DENND6A: variants seen among roughly 807,000 people sequenced by gnomAD.
The protein encoded by DENND6A is DENN domain containing 6A.
In DENND6A, 43 loss-of-function variants were observed where a neutral mutation model predicts 95.5. The ratio of observed to expected loss-of-function variants is 0.45; its 90% confidence interval spans 0.35 to 0.58. DENND6A has a LOEUF of 0.58. Ranked by LOEUF, DENND6A falls within the 20% of genes least tolerant of loss-of-function variation. The pLI is 0.00. For synonymous variants in DENND6A, 257 were observed against 260.4 expected (o/e 0.99, Z 0.13); for missense variants, 574 against 736.0 (o/e 0.78, Z 2.55).
At chr3:57,674,593 G>A (rs554844211) in intron 1 of DENND6A, among the ~76,000 whole-genome samples, 266 of 152,222 alleles carry the variant, frequency 1.7e-3, no homozygotes, top group African/African-American at 6.0e-3. Flanking sequence ...GCCCAAGATC[G>A]TGCCACTGCA....
rs763154394 is a variant in DENND6A, at chr3:57,628,193, G to A, written c.*21C>T. 7.9e-5 allele frequency: 126 copies of A among 1,603,886 alleles called. No individual in the cohort carries two copies. The highest frequency in any genetic ancestry group is 1.1e-4 in the Non-Finnish European group (124 of 1,175,694). On this transcript the variant is annotated 3_prime_UTR_variant, in exon 20 of 20. Transcript: ENST00000311128. ...GCTTCATGATGCATAATCCTTTTTG[G>A]CTGGAAAATCTTGGCAAATATCATG...
chr3:57,657,698 T>G lies in DENND6A; in HGVS notation c.800A>C (p.His267Pro), dbSNP rs372061625. The part of the protein sequence containing the change: ...TNISVILPTV[H>P]EVDIFRCFCP... ...TCTTTACCTGAAAATATCCACCTCATGAACAGTAGGTAAAATAACAGATAT... is the reference window on the plus strand; with the variant it reads ...TCTTTACCTGAAAATATCCACCTCAGGAACAGTAGGTAAAATAACAGATAT... Residue 267 changes from histidine (H) to proline (P), a missense_variant, in exon 9 of 20, where the codon CAT (histidine) becomes CCT (proline). By Grantham distance (77) the His-to-Pro change is moderately conservative. Around this residue, in one of 2 missense-constraint regions of DENND6A, gnomAD observed 452 missense variants for 630.9 expected, o/e 0.72. Transcript: ENST00000311128. 1 of 1,585,560 alleles carries G rather than the reference T, an allele frequency of 6.3e-7. No homozygotes were observed. The highest frequency in any genetic ancestry group is 8.6e-7 in the Non-Finnish European group (1 of 1,161,142).
chr3:57,640,756 G>T (rs1050115795), intron 12 of DENND6A, among the ~76,000 whole-genome samples: 1 of 151,956 alleles, frequency 6.6e-6, no homozygotes, highest in Non-Finnish European at 1.5e-5. Flanking sequence ...AAATTACTAC[G>T]CCCAAACCAT....
chr3:57,687,596 T>C (rs1013589216), intron 1 of DENND6A, among the ~76,000 whole-genome samples: 1 of 152,144 alleles, frequency 6.6e-6, no homozygotes, highest in African/African-American at 2.4e-5. Context: ...TCTAAGACTT[T>C]CATAGCTAGA....
chr3:57,648,073 G>A (rs1435378325), intron 9 of DENND6A, among the ~76,000 whole-genome samples: 2 of 152,084 alleles, frequency 1.3e-5, no homozygotes, highest in Non-Finnish European at 2.9e-5. Context: ...AATTTAAACT[G>A]TCACTGTTTG....
At chr3:57,684,714 T>C (rs2077197017) in intron 1 of DENND6A, among the ~76,000 whole-genome samples, 1 of 151,914 alleles carries the variant, frequency 6.6e-6, no homozygotes, top group South Asian at 2.1e-4. Context: ...GCCTGGGAGG[T>C]CCAGGCTGCA....
intron 3 of DENND6A, among the ~76,000 whole-genome samples, chr3:57,669,378 C>T (rs1466925428): frequency 6.6e-6 from 1 of 152,078 alleles, no homozygotes; most frequent in Non-Finnish European, 1.5e-5. Flanking sequence ...AACCACACTT[C>T]ATTTGATGTG....
chr3:57,672,242 T>C lies in DENND6A; in HGVS notation c.319+14A>G. On this transcript the variant is annotated intron_variant, in intron 3 of 19. Coordinates refer to ENST00000311128, the MANE Select transcript of DENND6A (RefSeq NM_152678.3). ...TATAAAATTAAACAGAAACACTGTA[T>C]GAAAAACAGTTACCTGAATTTGAAT... 1 of 1,601,990 alleles carries C rather than the reference T, an allele frequency of 6.2e-7. No homozygotes were observed. Among genetic ancestry groups the C allele is most frequent in the Non-Finnish European group, 8.5e-7 (1 of 1,174,082 alleles).
intron 15 of DENND6A, among the ~76,000 whole-genome samples, chr3:57,632,225 C>T (rs1234803471): frequency 2.6e-5 from 4 of 150,972 alleles, no homozygotes; most frequent in South Asian, 2.1e-4. Context: ...GGGGTTTCAC[C>T]GTGTTAGCCA....
Position 57,628,902 on chromosome 3 carries a change from C to G in DENND6A, c.1621-17G>C, listed in dbSNP as rs1192663277. 1.2e-6 allele frequency: 2 copies of G among 1,603,248 alleles called. No individual in the cohort carries two copies. The highest frequency in any genetic ancestry group is 1.7e-6 in the Non-Finnish European group (2 of 1,175,442). On this transcript the variant is annotated splice_polypyrimidine_tract_variant and intron_variant, in intron 18 of 19. Coordinates refer to ENST00000311128, the MANE Select transcript of DENND6A (RefSeq NM_152678.3). ...AAGTAAGTCCTAGAATAAATAAAGT[C>G]CCAAATCAGTAAGTTCTCAAAATAA...
chr3:57,642,831 C>A (rs2070978041), intron 11 of DENND6A, among the ~76,000 whole-genome samples: 1 of 152,014 alleles, frequency 6.6e-6, no homozygotes, highest in African/African-American at 2.4e-5. Context: ...CACGGTGAAA[C>A]CCCATCTCTA....
chr3:57,646,746 A>AT (rs2071088727), intron 9 of DENND6A, among the ~76,000 whole-genome samples: 1 of 152,230 alleles, frequency 6.6e-6, no homozygotes, highest in Non-Finnish European at 1.5e-5. Flanking sequence ...TGATCGATCT[A>AT]TTTTATCAAT....
chr3:57,693,000 C>A lies in DENND6A; in HGVS notation c.19G>T (p.Ala7Ser). Residue 7 changes from alanine (A) to serine (S), a missense_variant, in exon 1 of 20, where the codon GCG (alanine) becomes TCG (serine). Around this residue, in one of 2 missense-constraint regions of DENND6A, gnomAD observed 122 missense variants for 105.1 expected, o/e 1.16. Transcript: ENST00000311128. MALRGP[A>S]GLGPGSRRPL... ...CTTCGAGAGCCGGGCCCCAAGCCCG[C>A]AGGGCCCCTCAAAGCCATCGGCCGC... is the stretch of plus-strand genomic sequence containing the variant. 3 of 1,500,338 alleles carry A rather than the reference C, an allele frequency of 2.0e-6. No individual in the cohort carries two copies. The highest frequency in any genetic ancestry group is 1.3e-5 in the South Asian group (1 of 79,300). 92.9% of individuals were successfully genotyped at this position (1,500,338 alleles called of 1,614,324 possible). A position where few individuals can be genotyped will look rare whatever the true frequency, so the allele number is the denominator to read the frequency against.
In DENND6A at chr3:57,657,717, C is replaced by A. The variant is rs1453312734; in HGVS notation, c.781G>T (p.Val261Phe). The A allele has an allele frequency of 1.3e-6, 2 of 1,582,910 alleles. No individual in the cohort carries two copies. The highest frequency in any genetic ancestry group is 1.1e-5 in the South Asian group (1 of 87,494). Residue 261 changes from valine (V) to phenylalanine (F), a missense_variant, in exon 9 of 20, where the codon GTT becomes TTT. Physicochemically the swap from Val to Phe is conservative, Grantham distance 50. Transcript: ENST00000311128. ...ACCTCATGAACAGTAGGTAAAATAA[C>A]AGATATATTTGTGTCCACCTGAGAG... ...LTQQVDTNIS[V>F]ILPTVHEVDI...
At position 57,674,965 on chromosome 3, in the gene DENND6A, G is replaced by T. The variant is rs570458332; in HGVS notation, c.238-2527C>A. 4.6e-5 allele frequency among the ~76,000 whole-genome samples: 7 copies of T among 152,206 alleles called. No individual in the cohort carries two copies. The East Asian group carries it at 1.4e-3, about 29-fold the overall frequency. On this transcript the variant is annotated intron_variant, in intron 1 of 19. Coordinates refer to ENST00000311128, the MANE Select transcript of DENND6A (RefSeq NM_152678.3). ...CAAAGAAGGAAACAACAGACACTGG[G>T]GTCTACTTGATGGTGGAGGGTGGGA...
chr3:57,688,746 C>T (rs1222703158), intron 1 of DENND6A, among the ~76,000 whole-genome samples: 8 of 152,060 alleles, frequency 5.3e-5, no homozygotes, highest in African/African-American at 1.9e-4. Flanking sequence ...CAGGTTCATC[C>T]TTGCTTCCCA....
intron 1 of DENND6A, among the ~76,000 whole-genome samples, chr3:57,682,064 C>T (rs2077170864): frequency 6.6e-6 from 1 of 152,004 alleles, no homozygotes; most frequent in African/African-American, 2.4e-5. Context: ...AGTCTCTCTC[C>T]CATTGAGCTT....
At position 57,661,380 on chromosome 3, in the gene DENND6A, C is replaced by A. The variant is rs986924723; in HGVS notation, c.619+66G>T. On this transcript the variant is annotated intron_variant, in intron 6 of 19. Coordinates refer to ENST00000311128, the MANE Select transcript of DENND6A (RefSeq NM_152678.3). ...TTTATAAATTGTTATAAATCAACTTCATTTTTATCACTTATTTCCAGTAAA... is the reference window on the plus strand; with the variant it reads ...TTTATAAATTGTTATAAATCAACTTAATTTTTATCACTTATTTCCAGTAAA... The A allele has an allele frequency of 3.8e-5, 45 of 1,193,862 alleles. No individual in the cohort carries two copies. The African/African-American group carries it at 5.0e-4, about 13-fold the overall frequency. 74.0% of individuals were successfully genotyped at this position (1,193,862 alleles called of 1,614,324 possible).
At chr3:57,673,702 G>A (rs186418220) in intron 1 of DENND6A, among the ~76,000 whole-genome samples, 1 of 152,206 alleles carries the variant, frequency 6.6e-6, no homozygotes, top group East Asian at 1.9e-4. Context: ...ATATATATGT[G>A]CAACTATTAT....
Sources: gnomAD v4.1 joint callset for allele counts (sites outside exome capture counted in the v4.1 genomes callset) on GRCh38, gnomAD v4.1.1 for gene constraint, gnomAD v4.1.1 regional missense constraint, MANE v1.5 for transcripts, NCBI Gene and HGNC (gene_info 2026-07-23, HGNC 2026-07-21) for gene names.